KAT6A: variants seen among roughly 807,000 people sequenced by gnomAD.
The protein encoded by KAT6A is lysine acetyltransferase 6A, also known as histone acetyltransferase KAT6A.
KAT6A carries 9 observed loss-of-function variants against 198.4 expected under a neutral mutation model. That is an observed-to-expected ratio of 0.05 (90% CI 0.03 to 0.08). KAT6A has a LOEUF of 0.08. Among genes scored for constraint, KAT6A ranks in the 10% least tolerant of loss-of-function variants. The pLI, the probability that KAT6A is intolerant of heterozygous loss-of-function variation, is 1.00. For missense variants in KAT6A, 2,077 were observed against 2,509.9 expected (o/e 0.83, Z 3.69); for synonymous variants, 890 against 883.0 (o/e 1.01, Z -0.14).
At chr8:41,986,971 G>C (rs1824642065) in intron 3 of KAT6A, among the ~76,000 whole-genome samples, 1 of 152,194 alleles carries the variant, frequency 6.6e-6, no homozygotes, top group Non-Finnish European at 1.5e-5. Flanking sequence ...TCAGGAGGCA[G>C]AGGTTGCAGT....
intron 2 of KAT6A, among the ~76,000 whole-genome samples, chr8:42,035,812 A>T (rs933379199): frequency 1.7e-4 from 26 of 152,238 alleles, no homozygotes; most frequent in African/African-American, 5.5e-4. Context: ...GGAAACAGAC[A>T]GGGTATACAT....
chr8:41,971,896 A>T (rs1239763237), intron 8 of KAT6A, among the ~76,000 whole-genome samples: 1 of 148,444 alleles, frequency 6.7e-6, no homozygotes, highest in Non-Finnish European at 1.5e-5. Context: ...AGTATGACAG[A>T]GAAAAAAAAA....
intron 2 of KAT6A, among the ~76,000 whole-genome samples, chr8:42,024,078 G>T (rs931773288): frequency 6.6e-6 from 1 of 152,044 alleles, no homozygotes; most frequent in Non-Finnish European, 1.5e-5. Context: ...TTTTTAATAA[G>T]AAGGAGTACA....
intron 14 of KAT6A, 188 bp downstream of exon 14, chr8:41,942,605 A>C (rs1205575463): frequency 1.5e-6 from 1 of 654,374 alleles, no homozygotes; most frequent in Non-Finnish European, 2.5e-6. Flanking sequence ...TAATTGTCCA[A>C]GGCTTAAAAA....
At chr8:41,950,315 A>G (rs1478255115) in intron 9 of KAT6A, among the ~76,000 whole-genome samples, 2 of 152,228 alleles carry the variant, frequency 1.3e-5, no homozygotes, top group Non-Finnish European at 2.9e-5. Flanking sequence ...TCATCATCTA[A>G]TATGAGCACT....
chr8:41,930,658 A>G lies in KAT6A; in HGVS notation c.*1547T>C, dbSNP rs1350079703. ...GTGGTATAATAGTTTCCATCTTCTA[A>G]TGATGGAATATATATATATATATAT... is the stretch of plus-strand genomic sequence containing the variant. On this transcript the variant is annotated 3_prime_UTR_variant, in exon 17 of 17. Transcript: ENST00000265713. The G allele has an allele frequency of 6.2e-6, 1 of 162,488 alleles. No homozygotes were observed. The highest frequency in any genetic ancestry group is 1.1e-4 in the East Asian group (1 of 9,414). 10.1% of individuals were successfully genotyped at this position (162,488 alleles called of 1,614,324 possible).
chr8:41,999,046 G>A (rs1171669031), intron 2 of KAT6A, among the ~76,000 whole-genome samples: 1 of 151,930 alleles, frequency 6.6e-6, no homozygotes, highest in African/African-American at 2.4e-5. Context: ...TAAGATTACT[G>A]GTGAAAGTTA....
rs1332538399 is a variant in KAT6A at position 41,945,447 on chromosome 8, T to C, written c.1996+1144A>G. Reference sequence around the variant, plus strand: ...CACCACACCCAGCTAATTTTTTGTATTTTTAGTAGAGACGAGGTTTCACCA... The same window carrying C: ...CACCACACCCAGCTAATTTTTTGTACTTTTAGTAGAGACGAGGTTTCACCA... On this transcript the variant is annotated intron_variant, in intron 12 of 16. Transcript: ENST00000265713. Among the ~76,000 whole-genome samples, 3 of 151,940 alleles carry C rather than the reference T, an allele frequency of 2.0e-5. No homozygotes were observed. The East Asian group carries it at 5.9e-4, about 30-fold the overall frequency.
intron 3 of KAT6A, among the ~76,000 whole-genome samples, chr8:41,982,210 T>G (rs1249473920): frequency 6.6e-6 from 1 of 152,088 alleles, no homozygotes; most frequent in Non-Finnish European, 1.5e-5. Context: ...AACTCCAAAC[T>G]TTTATTAAGC....
intron 2 of KAT6A, among the ~76,000 whole-genome samples, chr8:42,004,887 C>T (rs933041820): frequency 5.9e-5 from 9 of 151,990 alleles, no homozygotes; most frequent in African/African-American, 1.9e-4. Flanking sequence ...GAGATCACGC[C>T]ATTGCACTCC....
intron 2 of KAT6A, among the ~76,000 whole-genome samples, chr8:42,041,071 T>C (rs1827643291): frequency 6.6e-6 from 1 of 151,906 alleles, no homozygotes; most frequent in Admixed American, 6.6e-5. Context: ...GGCGCATGCC[T>C]GTAATCCCAG....
intron 8 of KAT6A, 56 bp from the exon 9 acceptor site, chr8:41,955,467 C>T: frequency 9.1e-7 from 1 of 1,095,824 alleles, no homozygotes; most frequent in South Asian, 1.3e-5. Flanking sequence ...ACTGAGATAA[C>T]AAAGAAAGTT....
chr8:41,981,497 C>T (rs1824355771), intron 4 of KAT6A, among the ~76,000 whole-genome samples: 1 of 152,160 alleles, frequency 6.6e-6, no homozygotes, highest in Admixed American at 6.5e-5. Flanking sequence ...CCCTGGTCTG[C>T]TTTAATAATG....
At chr8:41,963,777 T>C (rs1823324396) in intron 8 of KAT6A, among the ~76,000 whole-genome samples, 1 of 152,162 alleles carries the variant, frequency 6.6e-6, no homozygotes, top group Admixed American at 6.6e-5. Context: ...AAGAGCTACT[T>C]TACCTGCAAG....
At chr8:42,008,856 G>A (rs1332801485) in intron 2 of KAT6A, among the ~76,000 whole-genome samples, 2 of 152,146 alleles carry the variant, frequency 1.3e-5, no homozygotes, top group African/African-American at 4.8e-5. Flanking sequence ...AATGGCAACT[G>A]TACTGGTTTA....
At chr8:41,998,224 TAC>T (rs1349160242) in intron 2 of KAT6A, among the ~76,000 whole-genome samples, 16 of 152,166 alleles carry the variant, frequency 1.1e-4, no homozygotes, top group African/African-American at 3.6e-4. Context: ...ACCAATTAAG[TAC>T]CATTCATATT....
chr8:41,960,669 C>A (rs1184021224), intron 8 of KAT6A, among the ~76,000 whole-genome samples: 1 of 151,996 alleles, frequency 6.6e-6, no homozygotes, highest in African/African-American at 2.4e-5. Flanking sequence ...TACACTCAGA[C>A]TTCTCTTTAT....
intron 8 of KAT6A, among the ~76,000 whole-genome samples, chr8:41,964,630 A>G (rs1352698600): frequency 1.4e-4 from 2 of 14,590 alleles, no homozygotes; most frequent in Non-Finnish European, 2.1e-4. Flanking sequence ...AAAATCTGAA[A>G]AAAAAAAAAA....
intron 1 of KAT6A, among the ~76,000 whole-genome samples, chr8:42,051,075 A>C (rs1379472040): frequency 6.6e-6 from 1 of 152,048 alleles, no homozygotes; most frequent in African/African-American, 2.4e-5. Context: ...CACGCGATGG[A>C]AACAGACCCC....
Sources: allele counts gnomAD v4.1 joint callset (sites outside exome capture counted in the v4.1 genomes callset), GRCh38; gene constraint gnomAD v4.1.1; transcripts MANE v1.5; gene names NCBI Gene and HGNC (gene_info 2026-07-23, HGNC 2026-07-21).